The following LHFPL3 variants were observed in gnomAD, a reference collection of about 807,000 sequenced individuals.
The protein encoded by LHFPL3 is LHFPL tetraspan subfamily member 3, also known as LHFPL tetraspan subfamily member 3 protein.
A neutral mutation model predicts 19.3 loss-of-function variants in LHFPL3; 5 were observed. The observed-to-expected ratio is 0.26, with a 90% CI of 0.14 to 0.54. The LOEUF (loss-of-function observed/expected upper bound fraction) is 0.54. LHFPL3 is among the 20% of genes least tolerant of loss of function. LHFPL3 has a pLI of 0.94. For synonymous variants in LHFPL3, 133 were observed against 126.2 expected (o/e 1.05, Z -0.36); for missense variants, 249 against 307.4 (o/e 0.81, Z 1.42).
At chr7:104,776,212 A>T (rs1195379542) in intron 2 of LHFPL3, among the ~76,000 whole-genome samples, 3 of 152,230 alleles carry the variant, frequency 2.0e-5, no homozygotes, top group African/African-American at 7.2e-5. Flanking sequence ...TCCGACTGAA[A>T]TTATATGCCC....
intron 1 of LHFPL3, among the ~76,000 whole-genome samples, chr7:104,658,724 A>G (rs559807869): frequency 1.4e-4 from 21 of 152,146 alleles, no homozygotes; most frequent in Non-Finnish European, 2.6e-4. Context: ...CAGGAGGAGG[A>G]GGTTTCAGTG....
chr7:104,450,577 G>A (rs1013552638), intron 1 of LHFPL3, among the ~76,000 whole-genome samples: 2 of 152,038 alleles, frequency 1.3e-5, no homozygotes, highest in African/African-American at 4.8e-5. Context: ...CTGACAGGGG[G>A]TGGGGGACTG....
chr7:104,860,945 A>G (rs748581585), intron 2 of LHFPL3, among the ~76,000 whole-genome samples: 4 of 152,216 alleles, frequency 2.6e-5, no homozygotes, highest in African/African-American at 7.2e-5. Flanking sequence ...GTTTTTATCA[A>G]TACAACTACC....
At chr7:104,732,083 C>A (rs1248691417) in intron 1 of LHFPL3, among the ~76,000 whole-genome samples, 1 of 152,152 alleles carries the variant, frequency 6.6e-6, no homozygotes, top group Admixed American at 6.5e-5. Context: ...TCCACTTGAT[C>A]ATGGTGGATA....
chr7:104,584,572 G>T (rs1371618315), intron 1 of LHFPL3, among the ~76,000 whole-genome samples: 1 of 152,076 alleles, frequency 6.6e-6, no homozygotes, highest in Non-Finnish European at 1.5e-5. Flanking sequence ...TATCATCTAA[G>T]TGTAACCAAC....
intron 2 of LHFPL3, among the ~76,000 whole-genome samples, chr7:104,882,840 C>T (rs1302101471): frequency 6.6e-6 from 1 of 152,124 alleles, no homozygotes; most frequent in Admixed American, 6.6e-5. Context: ...CACAAGACTT[C>T]CTAGTGGGAA....
At chr7:104,715,143 A>T (rs578059483) in intron 1 of LHFPL3, among the ~76,000 whole-genome samples, 1 of 152,236 alleles carries the variant, frequency 6.6e-6, no homozygotes, top group Non-Finnish European at 1.5e-5. Context: ...CTCTACAAAA[A>T]TAAAAAAATA....
At chr7:104,441,604 T>A (rs565910293) in intron 1 of LHFPL3, among the ~76,000 whole-genome samples, 67 of 152,296 alleles carry the variant, frequency 4.4e-4, no homozygotes, top group Non-Finnish European at 7.5e-4. Context: ...TGAGACAATG[T>A]CTTGCCCTGT....
At chr7:104,828,828 A>G (rs1379487054) in intron 2 of LHFPL3, among the ~76,000 whole-genome samples, 2 of 151,856 alleles carry the variant, frequency 1.3e-5, no homozygotes, top group South Asian at 2.1e-4. Flanking sequence ...TGAGGTCAGG[A>G]GTTCGAGACC....
chr7:104,619,028 T>C (rs953216663), intron 1 of LHFPL3, among the ~76,000 whole-genome samples: 6 of 152,256 alleles, frequency 3.9e-5, no homozygotes, highest in Non-Finnish European at 8.8e-5. Flanking sequence ...TTTATCATGA[T>C]TGTATCAGGA....
intron 2 of LHFPL3, among the ~76,000 whole-genome samples, chr7:104,899,920 C>T (rs987157484): frequency 1.3e-5 from 2 of 152,144 alleles, no homozygotes; most frequent in Admixed American, 6.5e-5. Context: ...TTAGTAAAGA[C>T]AGGGTTTTAC....
intron 1 of LHFPL3, among the ~76,000 whole-genome samples, chr7:104,597,768 T>A (rs1032157538): frequency 6.6e-6 from 1 of 152,204 alleles, no homozygotes; most frequent in Admixed American, 6.5e-5. Context: ...TGCTTATATG[T>A]GAGGGAACTT....
Position 104,329,196 on chromosome 7 carries a change from G to A in LHFPL3, c.417G>A (p.Lys139=), listed in dbSNP as rs1398733210. 6.2e-7 allele frequency: 1 copy of A among 1,610,884 alleles called. No homozygotes were observed. The highest frequency in any genetic ancestry group is 8.5e-7 in the Non-Finnish European group (1 of 1,177,394). Residue 139 remains lysine (K), a synonymous_variant, in exon 1 of 3, where the codon AAG becomes AAA. Coordinates refer to ENST00000424859, the MANE Select transcript of LHFPL3 (RefSeq NM_199000.3). ...TCTGCAACACGGCCACTGTGTACAA[G>A]ATATGTGCCTGGATGCAGCTCACCT... is the stretch of plus-strand genomic sequence containing the variant. ...FFFCNTATVY[K]ICAWMQLTSA...
At chr7:104,875,443 A>C (rs1791919757) in intron 2 of LHFPL3, among the ~76,000 whole-genome samples, 1 of 152,176 alleles carries the variant, frequency 6.6e-6, no homozygotes, top group African/African-American at 2.4e-5. Context: ...TTCAATACTT[A>C]TTAGTCTTGA....
intron 2 of LHFPL3, among the ~76,000 whole-genome samples, chr7:104,889,153 T>A (rs1045696751): frequency 6.6e-6 from 1 of 152,238 alleles, no homozygotes; most frequent in African/African-American, 2.4e-5. Flanking sequence ...ATATAGTGTC[T>A]AAAATTGATA....
chr7:104,368,474 T>C (rs1352980488), intron 1 of LHFPL3, among the ~76,000 whole-genome samples: 2 of 152,198 alleles, frequency 1.3e-5, no homozygotes, highest in Non-Finnish European at 2.9e-5. Context: ...CTGAATGCAG[T>C]GGATGAGGTA....
intron 2 of LHFPL3, among the ~76,000 whole-genome samples, chr7:104,903,462 C>CTTT (rs34097567): frequency 2.4e-5 from 3 of 126,746 alleles, no homozygotes; most frequent in East Asian, 2.5e-4. Flanking sequence ...TCTAGTTATA[C>CTTT]TTTTTTTTTT....
intron 1 of LHFPL3, among the ~76,000 whole-genome samples, chr7:104,523,428 C>T (rs556639480): frequency 6.6e-6 from 1 of 152,208 alleles, no homozygotes; most frequent in South Asian, 2.1e-4. Flanking sequence ...TTAGTTTTCC[C>T]TTTACATCTG....
chr7:104,623,052 A>T (rs977560988), intron 1 of LHFPL3: 1 of 342,092 alleles, frequency 2.9e-6, no homozygotes, highest in East Asian at 9.0e-5. Flanking sequence ...GCATCTTTTC[A>T]TGTATTCATT....
Sources: gnomAD v4.1 joint callset for allele counts (sites outside exome capture counted in the v4.1 genomes callset) on GRCh38, gnomAD v4.1.1 for gene constraint, MANE v1.5 for transcripts, NCBI Gene and HGNC (gene_info 2026-07-23, HGNC 2026-07-21) for gene names.